TRIM77: variants seen among roughly 807,000 people sequenced by gnomAD.
TRIM77 encodes tripartite motif containing 77.
A neutral mutation model predicts 31.8 loss-of-function variants in TRIM77; 23 were observed. The observed-to-expected ratio is 0.72, with a 90% CI of 0.52 to 1.02. The LOEUF is 1.02. TRIM77 is among the 50% of genes least tolerant of loss of function. The pLI is 0.00. For synonymous variants in TRIM77, 159 were observed against 183.1 expected (o/e 0.87, Z 1.06); for missense variants, 446 against 539.2 (o/e 0.83, Z 1.71).
intron 2 of TRIM77, among the ~76,000 whole-genome samples, chr11:89,713,478 A>C (rs1427007438): frequency 6.9e-6 from 1 of 145,444 alleles, no homozygotes; most frequent in African/African-American, 2.5e-5. Context: ...AATAATAATA[A>C]TAATAATAAT....
At chr11:89,714,071 T>A in intron 2 of TRIM77, 121 bp from the exon 3 acceptor site, 1 of 657,580 alleles carries the variant, frequency 1.5e-6, no homozygotes, top group East Asian at 2.8e-5. Flanking sequence ...GTATTTGAAG[T>A]GGAAAAGCAT....
chr11:89,711,975 G>A lies in TRIM77; in HGVS notation c.507+470G>A, dbSNP rs537708981. On this transcript the variant is annotated intron_variant, in intron 2 of 5. Transcript: ENST00000398290. ...AAGCGGTAAAATTATTTGGGCATGT[G>A]AGTAACTCCTCTTGATTAATTCATG... is the stretch of plus-strand genomic sequence containing the variant. Among the ~76,000 whole-genome samples the A allele has an allele frequency of 2.0e-5, 3 of 152,290 alleles. No individual in the cohort carries two copies. The South Asian group carries it at 6.2e-4, about 32-fold the overall frequency.
At position 89,714,393 on chromosome 11, in the gene TRIM77, A is replaced by C. The variant is rs1372772400; in HGVS notation, c.709A>C (p.Ser237Arg). The change falls in exon 3 of 6, where the codon AGC (serine) becomes CGC (arginine). Residue 237 changes from serine to arginine, a missense_variant. Physicochemically the swap from Ser to Arg is moderately radical, Grantham distance 110. This residue lies in a region of TRIM77 where 366 missense variants were observed against 447.9 expected (regional missense o/e 0.82). Coordinates refer to ENST00000398290, the MANE Select transcript of TRIM77 (RefSeq NM_001146162.1). ...REMYEKLKEM[S>R]CKADVNLPQD... ...AATGTATGAGAAACTGAAGGAAATG[A>C]GCTGTAAAGCAGATGTGAACCTGCC... The C allele has an allele frequency of 9.7e-6, 15 of 1,551,444 alleles. No individual in the cohort carries two copies. In the Admixed American group the frequency reaches 2.0e-4, roughly 20 times the overall value.
intron 5 of TRIM77, 145 bp downstream of exon 5, chr11:89,716,132 T>C: frequency 2.2e-6 from 1 of 444,688 alleles, no homozygotes; most frequent in African/African-American, 2.0e-5. Flanking sequence ...TTATAACCAA[T>C]TTTAAAACTG....
chr11:89,713,455 CAAT>C (rs71052248), intron 2 of TRIM77, among the ~76,000 whole-genome samples: 29,637 of 121,646 alleles, frequency 0.24, 3,691 homozygotes, highest in South Asian at 0.31. Flanking sequence ...GACCTTGTCT[CAAT>C]AATAATAATA....
Position 89,714,132 on chromosome 11 carries a change from T to C in TRIM77, c.508-60T>C, listed in dbSNP as rs544444797. ...AAAACATGAAACAAAGCAGAATAGC[T>C]GATAAGGAAAGAATAAAACCACTTA... On this transcript the variant is annotated intron_variant, in intron 2 of 5. Coordinates refer to ENST00000398290, the MANE Select transcript of TRIM77 (RefSeq NM_001146162.1). 7 of 1,113,142 alleles carry C rather than the reference T, an allele frequency of 6.3e-6. No individual in the cohort carries two copies. The Admixed American group carries it at 1.3e-4, about 20-fold the overall frequency. 69.0% of individuals were successfully genotyped at this position (1,113,142 alleles called of 1,614,324 possible). A position where few individuals can be genotyped will look rare whatever the true frequency, so the allele number is the denominator to read the frequency against.
rs1169564377 is a variant in TRIM77, at chr11:89,715,919, A to G, written c.791A>G (p.Gln264Arg). ...RNEFLRLAMP[Q>R]PVNPQLSAWT... is the part of the protein sequence containing the mutation. ...GAGTTTCTGAGGCTGGCCATGCCTCAGCCTGTGAACCCACAGCTCAGTGCA... is the reference window on the plus strand; with the variant it reads ...GAGTTTCTGAGGCTGGCCATGCCTCGGCCTGTGAACCCACAGCTCAGTGCA... The change falls in exon 5 of 6, where the codon CAG becomes CGG. Residue 264 changes from glutamine (Q) to arginine (R), a missense_variant. Gln to Arg is a conservative substitution (Grantham distance 43). Transcript: ENST00000398290. The G allele has an allele frequency of 1.3e-6, 2 of 1,544,484 alleles. No homozygotes were observed. The highest frequency in any genetic ancestry group is 1.8e-6 in the Non-Finnish European group (2 of 1,141,362).
chr11:89,714,560 G>A, intron 3 of TRIM77, 138 bp downstream of exon 3: 2 of 661,032 alleles, frequency 3.0e-6, no homozygotes, highest in Non-Finnish European at 5.1e-6. Flanking sequence ...CCTTATGGTG[G>A]CAGGTTTCAC....
chr11:89,711,537 G>A (rs2134542391), intron 2 of TRIM77, 32 bp downstream of exon 2: 1 of 1,233,304 alleles, frequency 8.1e-7, no homozygotes, highest in East Asian at 2.7e-5. Context: ...CTCAGAACCA[G>A]TTTGGAATAG....
Position 89,711,521 on chromosome 11 carries a change from A to G in TRIM77, c.507+16A>G, listed in dbSNP as rs1272205539. On this transcript the variant is annotated intron_variant, in intron 2 of 5. Transcript: ENST00000398290. ...AACATGGGAAGTAAGCAGTAAGCTC[A>G]TTTCTCTCAGAACCAGTTTGGAATA... is the stretch of plus-strand genomic sequence containing the variant. 3 of 1,399,056 alleles carry G rather than the reference A, an allele frequency of 2.1e-6. No individual in the cohort carries two copies. Among genetic ancestry groups the G allele is most frequent in the Non-Finnish European group, 2.9e-6 (3 of 1,030,352 alleles). 86.7% of individuals were successfully genotyped at this position (1,399,056 alleles called of 1,614,324 possible). A position where few individuals can be genotyped will look rare whatever the true frequency, so the allele number is the denominator to read the frequency against.
Position 89,710,571 on chromosome 11 carries a change from G to T in TRIM77, c.273G>T (p.Leu91=). Reference sequence around the variant, plus strand: ...GCCAGTTATCAAGCTCTGCCATGCTGATCTGTAGGAGACACCAGGAAATCA... The same window carrying T: ...GCCAGTTATCAAGCTCTGCCATGCTTATCTGTAGGAGACACCAGGAAATCA... The part of the protein sequence containing the change: ...VPCQLSSSAM[L]ICRRHQEIKN... Residue 91 remains leucine, a synonymous_variant, in exon 1 of 6, where the codon CTG becomes CTT. Coordinates refer to ENST00000398290, the MANE Select transcript of TRIM77 (RefSeq NM_001146162.1). 6.4e-7 allele frequency: 1 copy of T among 1,551,704 alleles called. No individual in the cohort carries two copies. Among genetic ancestry groups the T allele is most frequent in the Non-Finnish European group, 8.7e-7 (1 of 1,146,988 alleles).
At position 89,717,639 on chromosome 11, in the gene TRIM77, G is replaced by A; in HGVS notation, c.1120G>A (p.Gly374Ser). Residue 374 changes from glycine (G) to serine (S), a missense_variant, in exon 6 of 6, where the codon GGT (glycine) becomes AGT (serine). This residue lies in a region of TRIM77 where 366 missense variants were observed against 447.9 expected (regional missense o/e 0.82). Transcript: ENST00000398290. ...KRNDMRLDSEGIFLLLCLKVD... is the reference protein window; with the variant it reads ...KRNDMRLDSESIFLLLCLKVD... ...GAATGACATGCGACTTGACTCTGAG[G>A]GTATCTTTCTACTCCTGTGTCTCAA... The A allele has an allele frequency of 6.4e-7, 1 of 1,551,190 alleles. No individual in the cohort carries two copies. Among genetic ancestry groups the A allele is most frequent in the Admixed American group, 2.0e-5 (1 of 50,966 alleles).
rs759367922 is a variant in TRIM77, at chr11:89,717,441, C to T, written c.922C>T (p.His308Tyr). The T allele has an allele frequency of 1.9e-6, 3 of 1,551,344 alleles. No individual in the cohort carries two copies. Among genetic ancestry groups the T allele is most frequent in the South Asian group, 2.4e-5 (2 of 84,058 alleles). Residue 308 changes from histidine (H) to tyrosine (Y), a missense_variant, in exon 6 of 6, where the codon CAT becomes TAT. This residue lies in a region of TRIM77 where 366 missense variants were observed against 447.9 expected (regional missense o/e 0.82). Coordinates refer to ENST00000398290, the MANE Select transcript of TRIM77 (RefSeq NM_001146162.1). ...NHKLLFEDLR[H>Y]LQCSLDDTDM... ...CAAGCTTCTGTTCGAAGACCTAAGG[C>T]ATTTGCAGTGCAGCCTTGATGATAC...
At chr11:89,713,640 CAG>C (rs1205672651) in intron 2 of TRIM77, among the ~76,000 whole-genome samples, 3 of 151,866 alleles carry the variant, frequency 2.0e-5, no homozygotes, top group African/African-American at 7.2e-5. Flanking sequence ...ACAATAGGGA[CAG>C]AGACAGGAAG....
At chr11:89,717,304 G>T in intron 5 of TRIM77, 75 bp from the exon 6 acceptor site, 8 of 1,346,410 alleles carry the variant, frequency 5.9e-6, no homozygotes, top group East Asian at 5.1e-5. Context: ...TTAAGCATTT[G>T]CCAGACTGCC....
chr11:89,711,280 CT>C lies in TRIM77; in HGVS notation c.412-128del, dbSNP rs1382164171. On this transcript the variant is annotated intron_variant, in intron 1 of 5. Coordinates refer to ENST00000398290, the MANE Select transcript of TRIM77 (RefSeq NM_001146162.1). ...CCTCTCGGACTTGACAATCAGTGCC[CT>C]TAAGAAAAGCCCCTGCATGTCTGCA... 6.0e-6 allele frequency: 3 copies of C among 501,872 alleles called. No homozygotes were observed. In the African/African-American group the frequency reaches 6.1e-5, roughly 10 times the overall value. 31.1% of individuals were successfully genotyped at this position (501,872 alleles called of 1,614,324 possible).
chr11:89,710,422 T>G lies in TRIM77; in HGVS notation c.124T>G (p.Leu42Val). 5 of 1,551,846 alleles carry G rather than the reference T, an allele frequency of 3.2e-6. No individual in the cohort carries two copies. Among genetic ancestry groups the G allele is most frequent in the Non-Finnish European group, 4.4e-6 (5 of 1,147,000 alleles). ...ATTTTGTAGTCCCTGTCTCTGCCTCTTGTGGGAAGATACACTAACTCCTAA... is the reference window on the plus strand; with the variant it reads ...ATTTTGTAGTCCCTGTCTCTGCCTCGTGTGGGAAGATACACTAACTCCTAA... ...HRFCSPCLCL[L>V]WEDTLTPNCC... The change falls in exon 1 of 6, where the codon TTG becomes GTG. Residue 42 changes from leucine to valine, a missense_variant. Transcript: ENST00000398290.
At chr11:89,716,120 CT>C in intron 5 of TRIM77, 133 bp downstream of exon 5, 1 of 462,418 alleles carries the variant, frequency 2.2e-6, no homozygotes. Flanking sequence ...ATATGGAAAC[CT>C]TTATAACCAA....
intron 5 of TRIM77, among the ~76,000 whole-genome samples, chr11:89,716,486 C>G (rs1243306502): frequency 6.6e-6 from 1 of 152,114 alleles, no homozygotes; most frequent in Non-Finnish European, 1.5e-5. Flanking sequence ...AACCACAAAG[C>G]AGTCTGAAAG....
Sources: gnomAD v4.1 joint callset for allele counts (sites outside exome capture counted in the v4.1 genomes callset) on GRCh38, gnomAD v4.1.1 for gene constraint, gnomAD v4.1.1 regional missense constraint, MANE v1.5 for transcripts, NCBI Gene and HGNC (gene_info 2026-07-23, HGNC 2026-07-21) for gene names.